TEX2: variants seen among roughly 807,000 people sequenced by gnomAD.
The protein encoded by TEX2 is testis-expressed protein 2.
TEX2 carries 53 observed loss-of-function variants against 106.9 expected under a neutral mutation model. The ratio of observed to expected loss-of-function variants is 0.50; its 90% CI spans 0.40 to 0.62. TEX2 has a LOEUF of 0.62. Among genes scored for constraint, TEX2 ranks in the 20% least tolerant of loss-of-function variants. TEX2 has a pLI of 0.00. For synonymous variants in TEX2, 523 were observed against 534.8 expected (o/e 0.98, Z 0.30); for missense variants, 1,207 against 1,379.0 (o/e 0.88, Z 1.98).
rs2032448165 is a variant in TEX2 at position 64,195,775 on chromosome 17, A to G, written c.1645-680T>C. Among the ~76,000 whole-genome samples the G allele has an allele frequency of 6.6e-6, 1 of 152,244 alleles. No individual in the cohort carries two copies. The highest frequency in any genetic ancestry group is 1.5e-5 in the Non-Finnish European group (1 of 68,044). On this transcript the variant is annotated intron_variant, in intron 2 of 11. Transcript: ENST00000584379. This position sits in a 1 kb window ranked among gnomAD's most constrained non-coding sequence, Gnocchi z 4.1. ...GTGTTACATATCTTGATTTTTTAAA[A>G]GAGCCAACACTGAAATGTATGACAA...
chr17:64,225,380 C>A (rs782166886), intron 1 of TEX2, among the ~76,000 whole-genome samples: 1 of 152,026 alleles, frequency 6.6e-6, no homozygotes, highest in African/African-American at 2.4e-5. Context: ...ACAAGAGGGA[C>A]GTTAACTGCT....
intron 1 of TEX2, among the ~76,000 whole-genome samples, chr17:64,247,608 G>A (rs758216707): frequency 6.6e-6 from 1 of 152,300 alleles, no homozygotes; most frequent in South Asian, 2.1e-4. Flanking sequence ...TGCCCCGCGC[G>A]GGGAGCCTGC....
At position 64,217,990 on chromosome 17, in the gene TEX2, G is replaced by GA; in HGVS notation, c.-25-3749dup. On this transcript the variant is annotated intron_variant, in intron 1 of 11. Transcript: ENST00000584379. The surrounding 1 kb of genome is among the most constrained non-coding windows in gnomAD (Gnocchi z 4.3). ...GGATGAGGGTGGCAGAGGCAACATG[G>GA]AAAAACAGGTCTGGAGTCTGGTTGT... Among the ~76,000 whole-genome samples the GA allele has an allele frequency of 6.6e-6, 1 of 152,276 alleles. No individual in the cohort carries two copies. Among genetic ancestry groups the GA allele is most frequent in the South Asian group, 2.1e-4 (1 of 4,830 alleles).
intron 5 of TEX2, among the ~76,000 whole-genome samples, chr17:64,180,590 A>G (rs1299499912): frequency 6.6e-6 from 1 of 152,250 alleles, no homozygotes; most frequent in Non-Finnish European, 1.5e-5. Flanking sequence ...GAGTTTAAAG[A>G]AACAATGTGC....
chr17:64,169,197 C>T (rs1159125899), intron 7 of TEX2, among the ~76,000 whole-genome samples: 1 of 152,104 alleles, frequency 6.6e-6, no homozygotes, highest in Admixed American at 6.5e-5. Flanking sequence ...CACCACCATG[C>T]CCGGCTGACT....
intron 7 of TEX2, among the ~76,000 whole-genome samples, chr17:64,168,351 C>T (rs1401628006): frequency 6.6e-6 from 1 of 152,196 alleles, no homozygotes; most frequent in South Asian, 2.1e-4. Flanking sequence ...ATGTCTTTAT[C>T]GTTCCTTTAA....
chr17:64,177,497 T>C (rs1419576554), intron 5 of TEX2, 26 bp from the exon 6 acceptor site: 1 of 1,607,982 alleles, frequency 6.2e-7, no homozygotes, highest in South Asian at 1.1e-5. Flanking sequence ...GGACCAAAAT[T>C]AGCTAGAAAG....
At position 64,154,192 on chromosome 17, in the gene TEX2, T is replaced by C. The variant is rs553193361; in HGVS notation, c.2930+650A>G. 2.6e-5 allele frequency among the ~76,000 whole-genome samples: 4 copies of C among 152,336 alleles called. No homozygotes were observed. The South Asian group carries it at 8.3e-4, about 32-fold the overall frequency. ...AACTCCTCAAACATCTGAATTCTCA[T>C]CTCCTGTAGGATTTCAAAAGTGAAT... On this transcript the variant is annotated intron_variant, in intron 9 of 11. Coordinates refer to ENST00000584379, the MANE Select transcript of TEX2 (RefSeq NM_001288732.2).
chr17:64,172,525 C>A (rs2031454529), intron 6 of TEX2, among the ~76,000 whole-genome samples: 1 of 152,084 alleles, frequency 6.6e-6, no homozygotes, highest in Non-Finnish European at 1.5e-5. Flanking sequence ...CACCAATGGG[C>A]AGTTGATGGG....
At chr17:64,162,777 T>C (rs1316582536) in intron 7 of TEX2, among the ~76,000 whole-genome samples, 5 of 152,184 alleles carry the variant, frequency 3.3e-5, no homozygotes, top group Non-Finnish European at 1.5e-5. Flanking sequence ...TTCACTTCTG[T>C]GCCATCAGTA....
intron 1 of TEX2, among the ~76,000 whole-genome samples, chr17:64,214,592 T>G (rs1473899139): frequency 6.6e-6 from 1 of 152,252 alleles, no homozygotes; most frequent in Non-Finnish European, 1.5e-5. Context: ...TTACCAGCAT[T>G]GCTTGAGAAG....
At chr17:64,170,622 CTTTTTT>C (rs71156002) in intron 7 of TEX2, among the ~76,000 whole-genome samples, 60 of 73,742 alleles carry the variant, frequency 8.1e-4, no homozygotes, top group African/African-American at 2.7e-3. Context: ...TATTCCAAAT[CTTTTTT>C]TTTTTTTTTT....
At chr17:64,228,330 T>C (rs1049357823) in intron 1 of TEX2, among the ~76,000 whole-genome samples, 1 of 152,222 alleles carries the variant, frequency 6.6e-6, no homozygotes, top group Non-Finnish European at 1.5e-5. Context: ...CTGCATTTAT[T>C]GTGCATTTCA....
At chr17:64,158,258 G>A (rs577487754) in intron 8 of TEX2, among the ~76,000 whole-genome samples, 1 of 152,320 alleles carries the variant, frequency 6.6e-6, no homozygotes, top group East Asian at 1.9e-4. Flanking sequence ...CAGTAAGGAG[G>A]ACATCTCACA....
At chr17:64,191,817 C>CAAAAAAAAAAAAAAAAAAAAAAAAA (rs58376086) in intron 4 of TEX2, among the ~76,000 whole-genome samples, 1 of 119,902 alleles carries the variant, frequency 8.3e-6, no homozygotes. Flanking sequence ...GACTCCATCT[C>CAAAAAAAAAAAAAAAAAAAAAAAAA]AAAAAAAAAA....
intron 1 of TEX2, among the ~76,000 whole-genome samples, chr17:64,233,193 A>G (rs1216015647): frequency 6.6e-6 from 1 of 151,958 alleles, no homozygotes; most frequent in Non-Finnish European, 1.5e-5. Context: ...CCAAACACAC[A>G]CACATACCCT....
chr17:64,169,542 C>A (rs117333698), intron 7 of TEX2, among the ~76,000 whole-genome samples: 3,002 of 152,292 alleles, frequency 0.02, 55 homozygotes, highest in Middle Eastern at 0.034. Flanking sequence ...TCTGGATGTG[C>A]AAATACTACC....
Position 64,214,036 on chromosome 17 carries a change from T to A in TEX2, c.182A>T (p.Asp61Val). The A allele has an allele frequency of 6.2e-7, 1 of 1,614,170 alleles. No individual in the cohort carries two copies. The highest frequency in any genetic ancestry group is 8.5e-7 in the Non-Finnish European group (1 of 1,180,024). The change falls in exon 2 of 12, where the codon GAT (aspartate) becomes GTT (valine). Residue 61 changes from aspartate (D) to valine (V), a missense_variant. Asp to Val is a radical substitution (Grantham distance 152). This residue lies in a region of TEX2 where 1,067 missense variants were observed against 1,193.6 expected (regional missense o/e 0.89). Coordinates refer to ENST00000584379, the MANE Select transcript of TEX2 (RefSeq NM_001288732.2). ...EFREYFEEGLDDQSIVTGLEA... is the reference protein window; with the variant it reads ...EFREYFEEGLVDQSIVTGLEA... ...CAGCCCTGTTACAATGCTTTGGTCA[T>A]CCAGCCCCTCCTCAAAGTACTCCCT...
At chr17:64,173,683 A>T (rs537751902) in intron 6 of TEX2, among the ~76,000 whole-genome samples, 1 of 152,296 alleles carries the variant, frequency 6.6e-6, no homozygotes, top group Admixed American at 6.5e-5. Context: ...CCTCTCTACC[A>T]ACCTATAAAA....
Sources: allele counts gnomAD v4.1 joint callset (sites outside exome capture counted in the v4.1 genomes callset), GRCh38; gene constraint gnomAD v4.1.1; regional missense constraint gnomAD v4.1.1; non-coding constraint Gnocchi (gnomAD v3.1); transcripts MANE v1.5; gene names NCBI Gene and HGNC (gene_info 2026-07-23, HGNC 2026-07-21).